Variants in HACE1 observed in about 807,000 individuals in gnomAD.
HACE1 encodes the protein E3 ubiquitin-protein ligase HACE1.
Under a neutral mutation model 118.4 loss-of-function variants are expected in HACE1, and 73 were observed. The ratio of observed to expected loss-of-function variants is 0.62; its 90% CI spans 0.51 to 0.75. HACE1 has a LOEUF of 0.75. HACE1 is among the 30% of genes least tolerant of loss of function. The pLI, the probability that HACE1 is intolerant of heterozygous loss-of-function variation, is 0.00. For missense variants in HACE1, 749 were observed against 1,102.2 expected (o/e 0.68, Z 4.54); for synonymous variants, 368 against 374.8 (o/e 0.98, Z 0.21).
intron 19 of HACE1, among the ~76,000 whole-genome samples, chr6:104,752,166 A>G (rs1778130849): frequency 6.6e-6 from 1 of 152,134 alleles, no homozygotes; most frequent in Non-Finnish European, 1.5e-5. Context: ...GTCTCACCCC[A>G]AATTCCACTT....
intron 6 of HACE1, among the ~76,000 whole-genome samples, chr6:104,828,450 A>AT (rs1428537525): frequency 1.3e-5 from 2 of 151,986 alleles, no homozygotes; most frequent in Non-Finnish European, 2.9e-5. Flanking sequence ...CTTTGAAATG[A>AT]TTTTTTGAAA....
chr6:104,765,305 C>G (rs1284947943), intron 19 of HACE1, among the ~76,000 whole-genome samples: 1 of 152,166 alleles, frequency 6.6e-6, no homozygotes, highest in Non-Finnish European at 1.5e-5. Context: ...GTAAGAAATT[C>G]ACTCCTTGAA....
rs140848215 is a variant in HACE1, at chr6:104,756,537, A to G, written c.2212-6065T>C. Reference sequence around the variant, plus strand: ...ATCCTATTACTTCAGCTTCCTTGAGACAAATTCAGTCATTGAAAATAGTGA... The same window carrying G: ...ATCCTATTACTTCAGCTTCCTTGAGGCAAATTCAGTCATTGAAAATAGTGA... On this transcript the variant is annotated intron_variant, in intron 19 of 23. Transcript: ENST00000262903. Among the ~76,000 whole-genome samples, 878 of 152,202 alleles carry G rather than the reference A, an allele frequency of 5.8e-3. 5 individuals are homozygous for G. The highest frequency in any genetic ancestry group is 9.1e-3 in the Non-Finnish European group (619 of 68,006).
chr6:104,792,667 T>C (rs899400000), intron 10 of HACE1, among the ~76,000 whole-genome samples: 44 of 152,180 alleles, frequency 2.9e-4, no homozygotes, highest in Non-Finnish European at 3.8e-4. Flanking sequence ...CTGGAGGCTA[T>C]ATGAGTAAAC....
Position 104,729,526 on chromosome 6 carries a change from G to A in HACE1, c.*136C>T. The stretch of plus-strand genomic sequence containing the variant: ...GGGAAAAGAGAGAAACAGAAAACCT[G>A]ATGATCCTTTATAAATTGGAAGCAT... On this transcript the variant is annotated 3_prime_UTR_variant, in exon 24 of 24. Transcript: ENST00000262903. 2.9e-6 allele frequency: 2 copies of A among 689,400 alleles called. No homozygotes were observed. The highest frequency in any genetic ancestry group is 2.4e-4 in the Middle Eastern group (1 of 4,242). 42.7% of individuals were successfully genotyped at this position (689,400 alleles called of 1,614,324 possible).
chr6:104,747,677 C>A (rs1777579738), intron 20 of HACE1, among the ~76,000 whole-genome samples: 1 of 152,064 alleles, frequency 6.6e-6, no homozygotes, highest in Non-Finnish European at 1.5e-5. Flanking sequence ...TGACCATGAA[C>A]AAGTTCCATA....
chr6:104,841,303 A>G (rs761133092), intron 5 of HACE1, among the ~76,000 whole-genome samples: 7 of 152,196 alleles, frequency 4.6e-5, no homozygotes, highest in Non-Finnish European at 1.0e-4. Context: ...CACCTCCCTT[A>G]AAGTACAGGA....
chr6:104,802,627 C>T (rs187867928), intron 7 of HACE1, among the ~76,000 whole-genome samples: 27 of 152,144 alleles, frequency 1.8e-4, no homozygotes, highest in African/African-American at 5.3e-4. Context: ...GGGTAAATAA[C>T]GAAATGAAGG....
intron 22 of HACE1, chr6:104,731,593 G>C (rs1293595914): frequency 6.6e-6 from 1 of 152,034 alleles, no homozygotes; most frequent in Non-Finnish European, 1.5e-5. Flanking sequence ...TTCAACTAGA[G>C]TGCCAACAAC....
At chr6:104,732,544 G>C (rs1413163009) in intron 22 of HACE1, among the ~76,000 whole-genome samples, 3 of 152,150 alleles carry the variant, frequency 2.0e-5, no homozygotes, top group Non-Finnish European at 4.4e-5. Context: ...GGTGGGAAAG[G>C]AGGAGGGGGA....
chr6:104,818,811 G>A (rs560995205), intron 6 of HACE1, among the ~76,000 whole-genome samples: 2 of 151,918 alleles, frequency 1.3e-5, no homozygotes, highest in East Asian at 1.9e-4. Context: ...ATGCAGAAAA[G>A]GCTTTTGATA....
chr6:104,752,142 T>C (rs1314236831), intron 19 of HACE1, among the ~76,000 whole-genome samples: 1 of 152,116 alleles, frequency 6.6e-6, no homozygotes, highest in East Asian at 1.9e-4. Context: ...CTACCATCTC[T>C]GCTATTCAAT....
intron 6 of HACE1, among the ~76,000 whole-genome samples, chr6:104,826,803 A>G (rs1408936121): frequency 6.6e-6 from 1 of 152,198 alleles, no homozygotes; most frequent in Non-Finnish European, 1.5e-5. Flanking sequence ...CTTTTAAAAA[A>G]ATTTAGAATT....
At chr6:104,738,426 T>C (rs1219186959) in intron 22 of HACE1, among the ~76,000 whole-genome samples, 1 of 146,894 alleles carries the variant, frequency 6.8e-6, no homozygotes, top group Non-Finnish European at 1.5e-5. Context: ...TTGAAAAAAA[T>C]TTAGAAGAAT....
At chr6:104,776,940 A>G in intron 16 of HACE1, 73 bp downstream of exon 16, 3 of 1,304,240 alleles carry the variant, frequency 2.3e-6, no homozygotes, top group East Asian at 2.4e-5. Flanking sequence ...ACTAAATATT[A>G]AACTTTATTC....
chr6:104,852,228 T>TGTGA, intron 2 of HACE1, 89 bp downstream of exon 2: 2 of 660,792 alleles, frequency 3.0e-6, no homozygotes, highest in African/African-American at 2.5e-5. Context: ...TGTGTGTGTG[T>TGTGA]GCGCGCGTGC....
At chr6:104,731,498 T>A (rs548623369) in intron 22 of HACE1, 16 of 152,114 alleles carry the variant, frequency 1.1e-4, no homozygotes, top group African/African-American at 3.9e-4. Flanking sequence ...CAAAACAGTG[T>A]GATACTGCCA....
Position 104,850,856 on chromosome 6 carries a change from A to T in HACE1, c.221+51T>A, listed in dbSNP as rs745990731. 5.6e-6 allele frequency: 6 copies of T among 1,063,146 alleles called. No individual in the cohort carries two copies. The Admixed American group carries it at 6.7e-5, about 12-fold the overall frequency. The allele number at this position is 1,063,146 out of a possible 1,614,324, so 65.9% of individuals were successfully genotyped here. On this transcript the variant is annotated intron_variant, in intron 3 of 23. Transcript: ENST00000262903. ...TGTGTGATAATGCTGTTCAAAGCTTACTGATCCTTGCCCTAGATCAGAGTT... is the reference window on the plus strand; with the variant it reads ...TGTGTGATAATGCTGTTCAAAGCTTTCTGATCCTTGCCCTAGATCAGAGTT...
intron 19 of HACE1, among the ~76,000 whole-genome samples, chr6:104,756,241 T>C (rs1778621683): frequency 6.6e-6 from 1 of 151,440 alleles, no homozygotes; most frequent in South Asian, 2.1e-4. Context: ...TGAAACGTCA[T>C]CTTTACTAAA....
Sources: gnomAD v4.1 joint callset for allele counts (sites outside exome capture counted in the v4.1 genomes callset) on GRCh38, gnomAD v4.1.1 for gene constraint, MANE v1.5 for transcripts, NCBI Gene and HGNC (gene_info 2026-07-23, HGNC 2026-07-21) for gene names.